Variants in MRPL13 observed in about 807,000 individuals in gnomAD.
The protein encoded by MRPL13 is mitochondrial ribosomal protein L13.
A neutral mutation model predicts 29.0 loss-of-function variants in MRPL13; 33 were observed. The observed-to-expected ratio is 1.14, with a 90% CI of 0.86 to 1.52. MRPL13 has a LOEUF of 1.52. Among genes scored for constraint, MRPL13 ranks in the 40% most tolerant of loss-of-function variants. The probability of loss-of-function intolerance (pLI) is 0.00; values close to 1 mark genes in which losing one functional copy is unlikely to be tolerated. For missense variants in MRPL13, 227 were observed against 216.7 expected (o/e 1.05, Z -0.30); for synonymous variants, 77 against 68.4 (o/e 1.13, Z -0.62).
intron 2 of MRPL13, among the ~76,000 whole-genome samples, chr8:120,440,200 G>A (rs1219637150): frequency 3.9e-5 from 6 of 152,230 alleles, no homozygotes; most frequent in Admixed American, 3.3e-4. Flanking sequence ...GTGAGCAGAG[G>A]AATCAGGCGA....
At chr8:120,417,696 T>C (rs886339637) in intron 5 of MRPL13, among the ~76,000 whole-genome samples, 1 of 152,260 alleles carries the variant, frequency 6.6e-6, no homozygotes, top group South Asian at 2.1e-4. Flanking sequence ...ATTGCTCCAT[T>C]AGTTTTTGAG....
intron 2 of MRPL13, among the ~76,000 whole-genome samples, chr8:120,436,105 A>T (rs1813051408): frequency 6.6e-6 from 1 of 152,192 alleles, no homozygotes; most frequent in South Asian, 2.1e-4. Context: ...GAGCTGATGA[A>T]CATGGGAAGA....
At chr8:120,416,922 A>G (rs1003491555) in intron 5 of MRPL13, among the ~76,000 whole-genome samples, 11 of 152,212 alleles carry the variant, frequency 7.2e-5, no homozygotes, top group African/African-American at 2.4e-4. Context: ...AAATTTCCCA[A>G]ATAGGTCTAA....
intron 5 of MRPL13, chr8:120,419,525 CTT>C (rs992232319): frequency 6.1e-6 from 1 of 163,512 alleles, no homozygotes; most frequent in African/African-American, 2.4e-5. Context: ...TAAATTAACA[CTT>C]TTTCATAGTG....
In MRPL13 at chr8:120,396,160, C is replaced by G. The variant is rs775662484; in HGVS notation, c.516-35G>C. 13 of 1,511,780 alleles carry G rather than the reference C, an allele frequency of 8.6e-6. No homozygotes were observed. The South Asian group carries it at 1.5e-4, about 18-fold the overall frequency. 93.6% of individuals were successfully genotyped at this position (1,511,780 alleles called of 1,614,324 possible). A position where few individuals can be genotyped will look rare whatever the true frequency, so the allele number is the denominator to read the frequency against. On this transcript the variant is annotated intron_variant, in intron 6 of 6. Transcript: ENST00000306185. ...AAAATCAACATATTTCTTCATGAAT[C>G]ATTATTTTGTTTTCTCCTGACTGAT... is the stretch of plus-strand genomic sequence containing the variant.
chr8:120,434,659 C>G (rs998693287), intron 2 of MRPL13, among the ~76,000 whole-genome samples: 1 of 152,074 alleles, frequency 6.6e-6, no homozygotes, highest in African/African-American at 2.4e-5. Context: ...TCCTTCTCAG[C>G]AAACTGCTCA....
chr8:120,442,782 A>G (rs552923780), intron 2 of MRPL13, among the ~76,000 whole-genome samples: 43 of 152,332 alleles, frequency 2.8e-4, no homozygotes, highest in Non-Finnish European at 5.9e-4. Flanking sequence ...AGCTAGCACC[A>G]TATATTTTTC....
At chr8:120,399,702 C>T (rs529869798) in intron 6 of MRPL13, among the ~76,000 whole-genome samples, 24 of 152,022 alleles carry the variant, frequency 1.6e-4, no homozygotes, top group South Asian at 4.2e-4. Context: ...AATGGCAAAC[C>T]GGATAAAGAG....
intron 6 of MRPL13, among the ~76,000 whole-genome samples, chr8:120,402,674 T>TATTTTGC (rs1812612575): frequency 6.6e-6 from 1 of 152,136 alleles, no homozygotes; most frequent in Non-Finnish European, 1.5e-5. Flanking sequence ...AAAGAGCGTC[T>TATTTTGC]GTACAGCAAA....
At chr8:120,410,848 C>A (rs1812732186) in intron 6 of MRPL13, among the ~76,000 whole-genome samples, 1 of 151,742 alleles carries the variant, frequency 6.6e-6, no homozygotes, top group African/African-American at 2.4e-5. Flanking sequence ...ATGGTGCGAT[C>A]TCGGCAACCT....
chr8:120,406,886 T>C (rs1812674282), intron 6 of MRPL13, among the ~76,000 whole-genome samples: 1 of 152,210 alleles, frequency 6.6e-6, no homozygotes, highest in South Asian at 2.1e-4. Flanking sequence ...TAGCAAAAAC[T>C]GCCTTTATAC....
chr8:120,431,343 A>G (rs916868598), intron 3 of MRPL13, among the ~76,000 whole-genome samples: 75 of 152,228 alleles, frequency 4.9e-4, no homozygotes, highest in African/African-American at 1.8e-3. Flanking sequence ...AGATGATAAA[A>G]TCAGGATCTT....
chr8:120,417,407 C>T (rs1410998897), intron 5 of MRPL13, among the ~76,000 whole-genome samples: 2 of 152,144 alleles, frequency 1.3e-5, no homozygotes, highest in African/African-American at 2.4e-5. Context: ...TAACCTTTTA[C>T]CCAGTGGCCA....
Position 120,396,126 on chromosome 8 carries a change from C to T in MRPL13, c.516-1G>A, listed in dbSNP as rs770835547. On this transcript the variant is annotated splice_acceptor_variant, in intron 6 of 6. Transcript: ENST00000306185. LOFTEE classifies it high-confidence loss of function. ...CTCTTATAGCCGATAATCTTCAGGTCTGAAAGAAAAAATCAACATATTTCT... is the reference window on the plus strand; with the variant it reads ...CTCTTATAGCCGATAATCTTCAGGTTTGAAAGAAAAAATCAACATATTTCT... 6.3e-7 allele frequency: 1 copy of T among 1,582,186 alleles called. No individual in the cohort carries two copies. Among genetic ancestry groups the T allele is most frequent in the Non-Finnish European group, 8.6e-7 (1 of 1,158,304 alleles).
chr8:120,435,791 TA>T (rs1813047902), intron 2 of MRPL13, among the ~76,000 whole-genome samples: 1 of 152,146 alleles, frequency 6.6e-6, no homozygotes, highest in South Asian at 2.1e-4. Flanking sequence ...CAATGTCTAT[TA>T]TTTTTTGACC....
intron 3 of MRPL13, among the ~76,000 whole-genome samples, chr8:120,429,980 C>T (rs940313491): frequency 2.0e-5 from 3 of 152,040 alleles, no homozygotes; most frequent in Non-Finnish European, 2.9e-5. Flanking sequence ...AAAAATTACA[C>T]GCCGGGTGCA....
chr8:120,434,909 G>A (rs1339810165), intron 2 of MRPL13, among the ~76,000 whole-genome samples: 1 of 152,076 alleles, frequency 6.6e-6, no homozygotes, highest in South Asian at 2.1e-4. Flanking sequence ...TTTGGTCCTA[G>A]ATCCTTGCTG....
intron 3 of MRPL13, among the ~76,000 whole-genome samples, chr8:120,426,677 C>A (rs577459258): frequency 3.9e-5 from 6 of 152,218 alleles, no homozygotes; most frequent in African/African-American, 7.2e-5. Flanking sequence ...ATGCAACACT[C>A]AATTGATTTT....
intron 3 of MRPL13, among the ~76,000 whole-genome samples, chr8:120,426,562 C>A (rs1467927197): frequency 6.6e-6 from 1 of 152,034 alleles, no homozygotes; most frequent in African/African-American, 2.4e-5. Flanking sequence ...ATTGAGATGG[C>A]AAATTCTAAA....
Sources: allele counts gnomAD v4.1 joint callset (sites outside exome capture counted in the v4.1 genomes callset), GRCh38; gene constraint gnomAD v4.1.1; transcripts MANE v1.5; gene names NCBI Gene and HGNC (gene_info 2026-07-23, HGNC 2026-07-21).